ATXN7L2: variants seen among roughly 807,000 people sequenced by gnomAD.
The protein encoded by ATXN7L2 is ataxin-7-like protein 2.
ATXN7L2 carries 17 observed loss-of-function variants against 59.6 expected under a neutral mutation model. The ratio of observed to expected loss-of-function variants is 0.29; its 90% CI spans 0.20 to 0.43. The LOEUF is 0.43. Among genes scored for constraint, ATXN7L2 ranks in the 20% least tolerant of loss-of-function variants. The pLI is 1.00. For synonymous variants in ATXN7L2, 378 were observed against 392.5 expected (o/e 0.96, Z 0.44); for missense variants, 858 against 1,008.9 (o/e 0.85, Z 2.03).
intron 8 of ATXN7L2, 35 bp downstream of exon 8, chr1:109,490,163 G>A (rs750537784): frequency 1.3e-6 from 2 of 1,565,698 alleles, no homozygotes; most frequent in East Asian, 2.2e-5. Flanking sequence ...TGGAGGGGGT[G>A]GCCCAGCACT....
chr1:109,488,240 T>C lies in ATXN7L2; in HGVS notation c.797-143T>C. On this transcript the variant is annotated intron_variant, in intron 5 of 10. Coordinates refer to ENST00000683729, the MANE Select transcript of ATXN7L2 (RefSeq NM_001350175.2). The surrounding 1 kb of genome is among the most constrained non-coding windows in gnomAD (Gnocchi z 5.0). ...GGAGATGTTGATGCCCAGAAGTTTA[T>C]CTGGAAGGTACAGCCCCAGGCTGAG... 1 of 782,470 alleles carries C rather than the reference T, an allele frequency of 1.3e-6. No homozygotes were observed. Among genetic ancestry groups the C allele is most frequent in the Non-Finnish European group, 2.1e-6 (1 of 467,474 alleles). 48.5% of individuals were successfully genotyped at this position (782,470 alleles called of 1,614,324 possible).
intron 1 of ATXN7L2, 123 bp from the exon 2 acceptor site, chr1:109,485,934 T>G: frequency 7.3e-7 from 1 of 1,365,226 alleles, no homozygotes; most frequent in South Asian, 2.1e-5. Flanking sequence ...CAGGCCCTGC[T>G]TGGGGCTTCT....
At chr1:109,485,899 G>C in intron 1 of ATXN7L2, 158 bp from the exon 2 acceptor site, 1 of 1,283,498 alleles carries the variant, frequency 7.8e-7, no homozygotes, top group Non-Finnish European at 9.9e-7. Context: ...TTGTCACGGA[G>C]TGTGGGCTTC....
chr1:109,485,902 T>A, intron 1 of ATXN7L2, 155 bp from the exon 2 acceptor site: 2 of 1,285,994 alleles, frequency 1.6e-6, no homozygotes, highest in Non-Finnish European at 2.0e-6. Context: ...TCACGGAGTG[T>A]GGGCTTCATA....
intron 5 of ATXN7L2, 53 bp downstream of exon 5, chr1:109,487,857 G>A: frequency 6.5e-7 from 1 of 1,531,016 alleles, no homozygotes; most frequent in South Asian, 1.3e-5. Context: ...ACTCCTTTGG[G>A]CTGCTTTGTC....
At chr1:109,490,189 G>C (rs1267633342) in intron 8 of ATXN7L2, 61 bp downstream of exon 8, 4 of 1,578,496 alleles carry the variant, frequency 2.5e-6, no homozygotes, top group Non-Finnish European at 3.4e-6. Flanking sequence ...CCAACAACAT[G>C]GGGAGGAGGC....
At chr1:109,490,539 A>G in intron 9 of ATXN7L2, 147 bp downstream of exon 9, 1 of 1,250,018 alleles carries the variant, frequency 8.0e-7, no homozygotes, top group African/African-American at 1.5e-5. Context: ...AGGGAGTAGC[A>G]TGAAAAGGAG....
chr1:109,492,676 G>T lies in ATXN7L2; in HGVS notation c.*76G>T. 5.2e-6 allele frequency: 8 copies of T among 1,534,596 alleles called. No individual in the cohort carries two copies. The highest frequency in any genetic ancestry group is 1.9e-5 in the Admixed American group (1 of 53,756). ...CAGATCCGGGCCCCAGGCTGCTGCC[G>T]CTTTTTATAACTTTATATTATTTTT... On this transcript the variant is annotated 3_prime_UTR_variant, in exon 11 of 11. Coordinates refer to ENST00000683729, the MANE Select transcript of ATXN7L2 (RefSeq NM_001350175.2).
chr1:109,492,194 C>A, intron 10 of ATXN7L2: 1 of 857,860 alleles, frequency 1.2e-6, no homozygotes, highest in Non-Finnish European at 1.4e-6. Context: ...TGCACATGTG[C>A]CCACCTCCAG....
intron 5 of ATXN7L2, 67 bp downstream of exon 5, chr1:109,487,871 G>C (rs949961364): frequency 1.9e-5 from 29 of 1,501,982 alleles, no homozygotes; most frequent in Non-Finnish European, 2.5e-5. Flanking sequence ...CTTTGTCCTT[G>C]GGCTGGATGA....
intron 1 of ATXN7L2, 59 bp downstream of exon 1, chr1:109,484,139 G>A: frequency 1.5e-6 from 2 of 1,295,610 alleles, no homozygotes; most frequent in Non-Finnish European, 2.0e-6. Context: ...CCCCCCTTCC[G>A]GGCCCCCGCC....
intron 1 of ATXN7L2, chr1:109,485,795 G>A: frequency 8.7e-7 from 1 of 1,151,040 alleles, no homozygotes; most frequent in Non-Finnish European, 1.1e-6. Context: ...TTCTTAGTGG[G>A]GCCATCTTAG....
Position 109,486,389 on chromosome 1 carries a change from T to TCGG in ATXN7L2, c.194-117_194-116insCGG. 1.0e-6 allele frequency: 1 copy of TCGG among 981,920 alleles called. No homozygotes were observed. Among genetic ancestry groups the TCGG allele is most frequent in the Non-Finnish European group, 1.5e-6 (1 of 660,510 alleles). The allele number at this position is 981,920 out of a possible 1,614,324, so 60.8% of individuals were successfully genotyped here. A position where few individuals can be genotyped will look rare whatever the true frequency, so the allele number is the denominator to read the frequency against. Reference sequence around the variant, plus strand: ...AAGCTGGAAGCATTCAGCATGGAGCTTGTTATATCAGCGGGGAGGTGAAGT... The same window carrying TCGG: ...AAGCTGGAAGCATTCAGCATGGAGCTCGGTGTTATATCAGCGGGGAGGTGAAGT... On this transcript the variant is annotated intron_variant, in intron 2 of 10. Coordinates refer to ENST00000683729, the MANE Select transcript of ATXN7L2 (RefSeq NM_001350175.2). This position sits in a 1 kb window ranked among gnomAD's most constrained non-coding sequence, Gnocchi z 4.3.
At position 109,484,058 on chromosome 1, in the gene ATXN7L2, G is replaced by A. The variant is rs780047451; in HGVS notation, c.105G>A (p.Arg35=). 2.0e-6 allele frequency: 3 copies of A among 1,519,626 alleles called. No individual in the cohort carries two copies. The highest frequency in any genetic ancestry group is 1.4e-5 in the African/African-American group (1 of 69,990). The allele number at this position is 1,519,626 out of a possible 1,614,324, so 94.1% of individuals were successfully genotyped here. ...AGAGCTGGAGCTCGTGGGTGGAGCGGGCCGACCTGCCCGCGGCTGACGGTG... is the reference window on the plus strand; with the variant it reads ...AGAGCTGGAGCTCGTGGGTGGAGCGAGCCGACCTGCCCGCGGCTGACGGTG... ...AGQSWSSWVE[R]ADLPAADGAE... Residue 35 remains arginine, a synonymous_variant, in exon 1 of 11, where the codon CGG becomes CGA. Transcript: ENST00000683729.
chr1:109,492,613 T>G lies in ATXN7L2; in HGVS notation c.*13T>G, dbSNP rs1657187586. 2 of 1,613,316 alleles carry G rather than the reference T, an allele frequency of 1.2e-6. No homozygotes were observed. Among genetic ancestry groups the G allele is most frequent in the South Asian group, 1.1e-5 (1 of 91,036 alleles). ...AAAAGCCCATTAACGAGAAAGTGCC[T>G]GCCCACTGCAACGGAGCCGCCAGCA... is the stretch of plus-strand genomic sequence containing the variant. On this transcript the variant is annotated 3_prime_UTR_variant, in exon 11 of 11. Coordinates refer to ENST00000683729, the MANE Select transcript of ATXN7L2 (RefSeq NM_001350175.2).
In ATXN7L2 at chr1:109,487,763, G is replaced by T. The variant is rs1656705189; in HGVS notation, c.755G>T (p.Ser252Ile). The T allele has an allele frequency of 1.2e-6, 2 of 1,611,704 alleles. No homozygotes were observed. The highest frequency in any genetic ancestry group is 8.5e-7 in the Non-Finnish European group (1 of 1,179,058). ...AEGSPPEKEPSGTRLPPKTHR... is the reference protein window; with the variant it reads ...AEGSPPEKEPIGTRLPPKTHR... ...GGCAGCCCTCCTGAAAAGGAGCCCA[G>T]TGGGACCAGGCTGCCCCCTAAAACC... is the stretch of plus-strand genomic sequence containing the variant. The change falls in exon 5 of 11, where the codon AGT (serine) becomes ATT (isoleucine). Residue 252 changes from serine to isoleucine, a missense_variant. Physicochemically the swap from Ser to Ile is moderately radical, Grantham distance 142. Transcript: ENST00000683729.
At chr1:109,492,451 C>G (rs1657171023) in intron 10 of ATXN7L2, 135 bp from the exon 11 acceptor site, 2 of 1,201,398 alleles carry the variant, frequency 1.7e-6, no homozygotes, top group Admixed American at 4.3e-5. Context: ...TTCATCTTCC[C>G]CCTTGCTCAG....
At position 109,487,595 on chromosome 1, in the gene ATXN7L2, C is replaced by T; in HGVS notation, c.587C>T (p.Pro196Leu). ...KPDGHGIRVA[P>L]PSAFLSQPGG... ...GATGGACATGGAATCAGGGTGGCCCCACCCTCTGCTTTTCTCAGCCAGCCA... is the reference window on the plus strand; with the variant it reads ...GATGGACATGGAATCAGGGTGGCCCTACCCTCTGCTTTTCTCAGCCAGCCA... The change falls in exon 5 of 11, where the codon CCA becomes CTA. Residue 196 changes from proline to leucine, a missense_variant. Coordinates refer to ENST00000683729, the MANE Select transcript of ATXN7L2 (RefSeq NM_001350175.2). 2.5e-6 allele frequency: 4 copies of T among 1,574,278 alleles called. No individual in the cohort carries two copies. The highest frequency in any genetic ancestry group is 1.4e-5 in the African/African-American group (1 of 73,460).
At chr1:109,492,421 C>A (rs1311291298) in intron 10 of ATXN7L2, among the ~76,000 whole-genome samples, 165 bp from the exon 11 acceptor site, 1 of 152,210 alleles carries the variant, frequency 6.6e-6, no homozygotes, top group African/African-American at 2.4e-5. Flanking sequence ...ACTACCCAGG[C>A]TGCCCCTGGT....
Sources: allele counts gnomAD v4.1 joint callset (sites outside exome capture counted in the v4.1 genomes callset), GRCh38; gene constraint gnomAD v4.1.1; non-coding constraint Gnocchi (gnomAD v3.1); transcripts MANE v1.5; gene names NCBI Gene and HGNC (gene_info 2026-07-23, HGNC 2026-07-21).